Variants in ZMYND11 observed in about 807,000 individuals in gnomAD.
ZMYND11 encodes the protein zinc finger MYND domain-containing protein 11.
In ZMYND11, 9 loss-of-function variants were observed where a neutral mutation model predicts 84.9. That is an observed-to-expected ratio of 0.11 (90% CI 0.06 to 0.18). ZMYND11 has a LOEUF of 0.18. ZMYND11 is among the 10% of genes least tolerant of loss of function. The probability of loss-of-function intolerance (pLI) is 1.00; values close to 1 mark genes in which losing one functional copy is unlikely to be tolerated. For missense variants in ZMYND11, 409 were observed against 761.0 expected, an observed-to-expected ratio of 0.54 and a Z score of 5.44; for synonymous variants, 250 against 244.1, an observed-to-expected ratio of 1.02 and a Z score of -0.23.
chr10:192,528 C>T (rs780019705), intron 2 of ZMYND11, among the ~76,000 whole-genome samples: 33 of 152,164 alleles, frequency 2.2e-4, no homozygotes, highest in Non-Finnish European at 3.4e-4. Flanking sequence ...ATGACTTGCC[C>T]GACTTTTCAG....
intron 10 of ZMYND11, among the ~76,000 whole-genome samples, chr10:243,176 C>T (rs1337940440): frequency 6.6e-6 from 1 of 152,094 alleles, no homozygotes; most frequent in Non-Finnish European, 1.5e-5. Context: ...TTCTCTGAGC[C>T]TTAGCAAAAT....
chr10:141,015 A>G (rs1837379667), intron 1 of ZMYND11, among the ~76,000 whole-genome samples: 1 of 152,222 alleles, frequency 6.6e-6, no homozygotes, highest in Non-Finnish European at 1.5e-5. Flanking sequence ...TTTTTCAGAG[A>G]TGAGAGGGAT....
At chr10:185,493 TAAA>T (rs531517790) in intron 2 of ZMYND11, among the ~76,000 whole-genome samples, 2 of 80,780 alleles carry the variant, frequency 2.5e-5, no homozygotes, top group Admixed American at 3.0e-4. Context: ...GGTTTTTCTT[TAAA>T]AAAAAAAAAA....
At chr10:204,144 T>C in intron 2 of ZMYND11, among the ~76,000 whole-genome samples, 1 of 152,168 alleles carries the variant, frequency 6.6e-6, no homozygotes, top group East Asian at 1.9e-4. Flanking sequence ...CTGATCTATC[T>C]ATAATTTATA....
chr10:205,754 C>T (rs1257768650), intron 2 of ZMYND11, among the ~76,000 whole-genome samples: 1 of 150,902 alleles, frequency 6.6e-6, no homozygotes, highest in Non-Finnish European at 1.5e-5. Context: ...AACAGCATTG[C>T]TTTAGCTTTT....
chr10:236,792 G>A (rs769961031), intron 4 of ZMYND11, 46 bp from the exon 5 acceptor site: 65 of 1,507,124 alleles, frequency 4.3e-5, no homozygotes, highest in Non-Finnish European at 5.9e-5. Flanking sequence ...ATAGACATAA[G>A]AATGATCAGA....
intron 1 of ZMYND11, among the ~76,000 whole-genome samples, chr10:174,032 G>A (rs1554766351): frequency 6.6e-6 from 1 of 152,092 alleles, no homozygotes; most frequent in East Asian, 1.9e-4. Flanking sequence ...CTAACCGTAC[G>A]AACCAGCAGC....
At chr10:250,112 T>C (rs888020008) in intron 14 of ZMYND11, among the ~76,000 whole-genome samples, 4 of 152,240 alleles carry the variant, frequency 2.6e-5, no homozygotes, top group African/African-American at 9.6e-5. Context: ...ATTTCACTGC[T>C]GCTCGTAAGG....
chr10:226,055 G>T (rs1948065294), intron 4 of ZMYND11, among the ~76,000 whole-genome samples: 1 of 151,962 alleles, frequency 6.6e-6, no homozygotes, highest in Admixed American at 6.6e-5. Flanking sequence ...ATTAGATAGT[G>T]CAGTTTTAGA....
At chr10:164,870 A>C (rs1843638178) in intron 1 of ZMYND11, among the ~76,000 whole-genome samples, 1 of 152,136 alleles carries the variant, frequency 6.6e-6, no homozygotes, top group Non-Finnish European at 1.5e-5. Flanking sequence ...CCAAAAAAGA[A>C]AACTAAAATA....
chr10:172,989 T>C (rs1406535994), intron 1 of ZMYND11, among the ~76,000 whole-genome samples: 7 of 147,972 alleles, frequency 4.7e-5, no homozygotes, highest in African/African-American at 7.5e-5. Context: ...GAGCAAAAAA[T>C]AGCCCTTGAG....
At chr10:132,351 A>G (rs1835331546), upstream of ZMYND11, among the ~76,000 whole-genome samples, 1 of 151,422 alleles carries the variant, frequency 6.6e-6, no homozygotes, top group African/African-American at 2.4e-5. Flanking sequence ...TGCAGTACGA[A>G]CTAACCTTGT....
In ZMYND11 at chr10:249,318, T is replaced by TA. The variant is rs1179655681; in HGVS notation, c.1686+232dup. On this transcript the variant is annotated intron_variant, in intron 14 of 14. Coordinates refer to ENST00000381604, the MANE Select transcript of ZMYND11 (RefSeq NM_001370100.5). ...GGATTATTTTGTTAAATTGAGATTA[T>TA]AATACCTTAGTACATATTTATTACA... 6 of 1,360,034 alleles carry TA rather than the reference T, an allele frequency of 4.4e-6. No homozygotes were observed. The African/African-American group carries it at 7.3e-5, about 17-fold the overall frequency. 84.2% of individuals were successfully genotyped at this position (1,360,034 alleles called of 1,614,324 possible).
chr10:201,668 G>A (rs7358143), intron 2 of ZMYND11, among the ~76,000 whole-genome samples: 1 of 151,262 alleles, frequency 6.6e-6, no homozygotes, highest in East Asian at 2.0e-4. Flanking sequence ...GATCATCTCA[G>A]GCCTGTGGCT....
At chr10:233,623 G>A (rs1294572599) in intron 4 of ZMYND11, among the ~76,000 whole-genome samples, 1 of 152,158 alleles carries the variant, frequency 6.6e-6, no homozygotes, top group Non-Finnish European at 1.5e-5. Context: ...AAGATGGGGT[G>A]GGCCCTACCC....
chr10:205,709 A>T (rs1304664707), intron 2 of ZMYND11, among the ~76,000 whole-genome samples: 1 of 152,106 alleles, frequency 6.6e-6, no homozygotes, highest in Non-Finnish European at 1.5e-5. Flanking sequence ...AAATAAAAAA[A>T]AAGGAGTTCC....
intron 2 of ZMYND11, among the ~76,000 whole-genome samples, chr10:196,922 C>G (rs1315473333): frequency 3.3e-5 from 5 of 152,232 alleles, no homozygotes; most frequent in Non-Finnish European, 5.9e-5. Context: ...CCCCTTTCAT[C>G]ATGAAGAAAG....
At position 242,024 on chromosome 10, in the gene ZMYND11, C is replaced by T; in HGVS notation, c.835C>T (p.Pro279Ser). The T allele has an allele frequency of 6.2e-7, 1 of 1,613,720 alleles. No homozygotes were observed. Among genetic ancestry groups the T allele is most frequent in the Non-Finnish European group, 8.5e-7 (1 of 1,179,884 alleles). The change falls in exon 10 of 15, where the codon CCT (proline) becomes TCT (serine). Residue 279 changes from proline (P) to serine (S), a missense_variant. Physicochemically the swap from Pro to Ser is moderately conservative, Grantham distance 74. Coordinates refer to ENST00000381604, the MANE Select transcript of ZMYND11 (RefSeq NM_001370100.5). ...AGGTAAAACATTTAATTTCCAGATACCTAATCATGAGCTGGTTTGGGCTAA... is the reference window on the plus strand; with the variant it reads ...AGGTAAAACATTTAATTTCCAGATATCTAATCATGAGCTGGTTTGGGCTAA... The part of the protein sequence containing the change: ...PDNWFCYPCI[P>S]NHELVWAKMK...
At chr10:187,072 C>A (rs560204786) in intron 2 of ZMYND11, among the ~76,000 whole-genome samples, 2 of 151,852 alleles carry the variant, frequency 1.3e-5, no homozygotes, top group African/African-American at 2.4e-5. Flanking sequence ...TACAAAAAAT[C>A]TGAAAAATTA....
Sources: gnomAD v4.1 joint callset for allele counts (sites outside exome capture counted in the v4.1 genomes callset) on GRCh38, gnomAD v4.1.1 for gene constraint, MANE v1.5 for transcripts, NCBI Gene and HGNC (gene_info 2026-07-23, HGNC 2026-07-21) for gene names.